Variants in ZC3H12B observed in about 807,000 individuals in gnomAD.
ZC3H12B encodes zinc finger CCCH-type containing 12B.
In ZC3H12B, 7 loss-of-function variants were observed where a neutral mutation model predicts 43.9. That is an observed-to-expected ratio of 0.16 (90% CI 0.09 to 0.30). The LOEUF is 0.30. Ranked by LOEUF, ZC3H12B falls within the 10% of genes least tolerant of loss-of-function variation. ZC3H12B has a pLI of 1.00. For synonymous variants in ZC3H12B, 222 were observed against 241.7 expected (o/e 0.92, Z 0.76); for missense variants, 475 against 670.2 (o/e 0.71, Z 3.22).
chrX:65,239,350 C>G, the ZC3H12B span, among the ~76,000 whole-genome samples: 4 of 110,014 alleles, frequency 3.6e-5, no homozygotes, highest in East Asian at 5.7e-4. Context: ...TTTTTGTTCT[C>G]TCTTGGTTTA....
At chrX:65,233,341 G>T in the ZC3H12B span, among the ~76,000 whole-genome samples, 1 of 111,392 alleles carries the variant, frequency 9.0e-6, no homozygotes. Flanking sequence ...TAGGCTATAT[G>T]TTAGGCCACA....
chrX:65,412,725 C>A (rs2066917863), intron 3 of ZC3H12B, among the ~76,000 whole-genome samples: 2 of 112,000 alleles, frequency 1.8e-5, no homozygotes, highest in African/African-American at 6.5e-5. Flanking sequence ...ACCTCAGCCT[C>A]CCAAAGTGCT....
At chrX:65,384,249 C>T (rs975595266) in intron 2 of ZC3H12B, among the ~76,000 whole-genome samples, 2 of 104,402 alleles carry the variant, frequency 1.9e-5, no homozygotes, top group Non-Finnish European at 3.9e-5. Context: ...AATCATCATT[C>T]TCAGTAAACT....
chrX:65,344,774 G>A, the ZC3H12B span, among the ~76,000 whole-genome samples: 6 of 112,417 alleles, frequency 5.3e-5, no homozygotes, highest in African/African-American at 1.6e-4. Context: ...AGAGTAAACA[G>A]ACAACCTACA....
the ZC3H12B span, among the ~76,000 whole-genome samples, chrX:65,125,132 T>G: frequency 9.0e-6 from 1 of 111,375 alleles, no homozygotes; most frequent in East Asian, 2.8e-4. Flanking sequence ...GCTATGAACT[T>G]TCCTCATAGC....
At chrX:65,059,170 C>T in the ZC3H12B span, among the ~76,000 whole-genome samples, 11 of 108,804 alleles carry the variant, frequency 1.0e-4, no homozygotes, top group Middle Eastern at 4.7e-3. Context: ...GCGTCGCTCA[C>T]GCTGGGAGCT....
the ZC3H12B span, among the ~76,000 whole-genome samples, chrX:65,211,551 G>A: frequency 9.7e-6 from 1 of 103,185 alleles, no homozygotes; most frequent in South Asian, 4.0e-4. Flanking sequence ...ACTCCAGCAA[G>A]GTTAATTAAC....
At chrX:65,380,568 G>A (rs1208215989) in intron 2 of ZC3H12B, among the ~76,000 whole-genome samples, 3 of 110,934 alleles carry the variant, frequency 2.7e-5, no homozygotes, top group Non-Finnish European at 1.9e-5. Context: ...AAAATAACCA[G>A]GTAACATCAT....
At chrX:65,440,926 A>C (rs1452361592) in intron 3 of ZC3H12B, among the ~76,000 whole-genome samples, 1 of 112,475 alleles carries the variant, frequency 8.9e-6, no homozygotes, top group African/African-American at 3.2e-5. Context: ...TTCTATCCAA[A>C]TTGGCTTATC....
intron 3 of ZC3H12B, among the ~76,000 whole-genome samples, chrX:65,451,552 G>A (rs986359511): frequency 9.1e-6 from 1 of 109,969 alleles, no homozygotes; most frequent in African/African-American, 3.3e-5. Flanking sequence ...ATGTTGCTCA[G>A]GCTGCTTTTG....
the ZC3H12B span, among the ~76,000 whole-genome samples, chrX:65,120,352 AG>A: frequency 7.1e-3 from 791 of 111,383 alleles, 5 homozygotes; most frequent in African/African-American, 0.025. Context: ...CTCCTTGAAG[AG>A]GTTTTTCACA....
At chrX:65,087,644 G>C in the ZC3H12B span, among the ~76,000 whole-genome samples, 1 of 111,757 alleles carries the variant, frequency 8.9e-6, no homozygotes, top group Non-Finnish European at 1.9e-5. Context: ...TAGTATGCAT[G>C]AAAATGAGAC....
At chrX:65,352,045 T>C in the ZC3H12B span, among the ~76,000 whole-genome samples, 1 of 112,163 alleles carries the variant, frequency 8.9e-6, no homozygotes, top group Admixed American at 9.4e-5. Context: ...CTATTCACAA[T>C]AGCAAAGACT....
At position 65,386,775 on chromosome X, in the gene ZC3H12B, G is replaced by A. The variant is rs191873649; in HGVS notation, n.296-11818G>A. 3.1e-3 allele frequency among the ~76,000 whole-genome samples: 345 copies of A among 110,808 alleles called. 3 individuals carry two copies. The highest frequency in any genetic ancestry group is 0.011 in the African/African-American group (326 of 30,365). The stretch of plus-strand genomic sequence containing the variant: ...TTGGATCTTTCCCGCTTTCTCTTGT[G>A]GGCATTTAGTGCTATAAATTTCCCT... On this transcript the variant is annotated intron_variant and non_coding_transcript_variant, in intron 2 of 5. Coordinates refer to the ZC3H12B transcript ENST00000617377.
At chrX:65,274,292 G>A in the ZC3H12B span, among the ~76,000 whole-genome samples, 25,636 of 110,833 alleles carry the variant, frequency 0.23, 7,169 homozygotes, top group African/African-American at 0.8. Flanking sequence ...TAGGAGCCCA[G>A]GATGTGCACT....
the ZC3H12B span, among the ~76,000 whole-genome samples, chrX:65,335,945 G>C: frequency 9.0e-6 from 1 of 111,377 alleles, no homozygotes; most frequent in South Asian, 3.8e-4. Flanking sequence ...GTTTATTTTT[G>C]TTTTTGTTTT....
chrX:65,143,483 G>A, the ZC3H12B span, among the ~76,000 whole-genome samples: 2 of 109,557 alleles, frequency 1.8e-5, no homozygotes, highest in Admixed American at 9.8e-5. Context: ...TTTATGTGGT[G>A]TATCACATTT....
chrX:65,205,377 C>T, the ZC3H12B span, among the ~76,000 whole-genome samples: 6 of 111,371 alleles, frequency 5.4e-5, no homozygotes, highest in South Asian at 3.7e-4. Flanking sequence ...ACTTGAATGA[C>T]AGTCAAAGGG....
At chrX:65,303,744 T>C in the ZC3H12B span, among the ~76,000 whole-genome samples, 1 of 112,524 alleles carries the variant, frequency 8.9e-6, no homozygotes, top group South Asian at 3.6e-4. Flanking sequence ...CATATTTCTA[T>C]ATACCAGCAA....
Sources: gnomAD v4.1 joint callset for allele counts (sites outside exome capture counted in the v4.1 genomes callset) on GRCh38, gnomAD v4.1.1 for gene constraint, MANE v1.5 for transcripts, NCBI Gene and HGNC (gene_info 2026-07-23, HGNC 2026-07-21) for gene names.